CSMD3: variants seen among roughly 807,000 people sequenced by gnomAD.
CSMD3 encodes the protein CUB and Sushi multiple domains 3, also known as CUB and sushi domain-containing protein 3.
Under a neutral mutation model 435.2 loss-of-function variants are expected in CSMD3, and 177 were observed. That is an observed-to-expected ratio of 0.41 (90% confidence interval 0.36 to 0.46). The LOEUF is 0.46. Ranked by LOEUF, CSMD3 falls within the 20% of genes least tolerant of loss-of-function variation. The pLI, the probability that CSMD3 is intolerant of heterozygous loss-of-function variation, is 0.34. For missense variants in CSMD3, 4,265 were observed against 4,504.6 expected (o/e 0.95, Z 1.52); for synonymous variants, 1,656 against 1,520.5 (o/e 1.09, Z -2.07).
intron 13 of CSMD3, among the ~76,000 whole-genome samples, chr8:112,779,718 T>A (rs1012485716): frequency 3.3e-5 from 5 of 152,080 alleles, no homozygotes; most frequent in Non-Finnish European, 5.9e-5. Flanking sequence ...ATCAGCCCTA[T>A]TCTAAAATTC....
chr8:112,980,330 T>G (rs2085003865), intron 6 of CSMD3, among the ~76,000 whole-genome samples: 1 of 151,178 alleles, frequency 6.6e-6, no homozygotes, highest in Non-Finnish European at 1.5e-5. Flanking sequence ...AGTTTTTAGG[T>G]ACTTATGTTT....
At chr8:113,176,813 A>T (rs1026051259) in intron 3 of CSMD3, among the ~76,000 whole-genome samples, 16 of 151,964 alleles carry the variant, frequency 1.1e-4, no homozygotes, top group Middle Eastern at 3.4e-3. Context: ...TATCTAGGTG[A>T]TGGGTTGTTA....
chr8:113,399,106 T>TATATATAC (rs773585004), intron 1 of CSMD3, among the ~76,000 whole-genome samples: 6,565 of 94,632 alleles, frequency 0.069, 273 homozygotes, highest in Middle Eastern at 0.1. Flanking sequence ...TATATATATA[T>TATATATAC]ACACACACAC....
intron 45 of CSMD3, among the ~76,000 whole-genome samples, chr8:112,332,628 C>T (rs1363301405): frequency 6.6e-6 from 1 of 152,158 alleles, no homozygotes; most frequent in African/African-American, 2.4e-5. Flanking sequence ...TGAACTCTGG[C>T]TATGCTCCCA....
intron 1 of CSMD3, among the ~76,000 whole-genome samples, chr8:113,383,267 A>T (rs2094425007): frequency 6.6e-6 from 1 of 152,164 alleles, no homozygotes; most frequent in Non-Finnish European, 1.5e-5. Context: ...CAGTTTAAAT[A>T]ATAAGAGGAT....
At chr8:112,733,837 T>C (rs1341358604) in intron 13 of CSMD3, among the ~76,000 whole-genome samples, 2 of 152,056 alleles carry the variant, frequency 1.3e-5, no homozygotes, top group Non-Finnish European at 2.9e-5. Flanking sequence ...CAACACATAA[T>C]GTCTGTGTTG....
rs560194438 is a variant in CSMD3, at chr8:113,045,964, G to T, written c.918-26785C>A. On this transcript the variant is annotated intron_variant, in intron 5 of 70. Coordinates refer to ENST00000297405, the MANE Select transcript of CSMD3 (RefSeq NM_198123.2). ...CAAAATATCTGGGAAATTTGTAAAC[G>T]ACCCTTTTTACTTTTGCCTGCCTTT... is the stretch of plus-strand genomic sequence containing the variant. Among the ~76,000 whole-genome samples, 7 of 149,240 alleles carry T rather than the reference G, an allele frequency of 4.7e-5. 2 individuals carry two copies. The highest frequency in any genetic ancestry group is 3.4e-3 in the Middle Eastern group (1 of 294).
chr8:112,835,637 C>T (rs546236928), intron 11 of CSMD3, among the ~76,000 whole-genome samples: 20 of 151,944 alleles, frequency 1.3e-4, no homozygotes, highest in Middle Eastern at 3.4e-3. Flanking sequence ...CAATCAGATA[C>T]ACATCTTATG....
intron 13 of CSMD3, among the ~76,000 whole-genome samples, chr8:112,780,061 G>T (rs1472809918): frequency 6.6e-6 from 1 of 151,960 alleles, no homozygotes; most frequent in Non-Finnish European, 1.5e-5. Flanking sequence ...AAAATTAAAT[G>T]ATTATTGACA....
At chr8:112,863,247 A>T (rs1021204389) in intron 10 of CSMD3, among the ~76,000 whole-genome samples, 6 of 151,864 alleles carry the variant, frequency 4.0e-5, no homozygotes, top group African/African-American at 1.2e-4. Context: ...TTTATATCTC[A>T]CTCAAGAAAG....
At chr8:113,189,407 G>T (rs1295819528) in intron 3 of CSMD3, among the ~76,000 whole-genome samples, 1 of 151,786 alleles carries the variant, frequency 6.6e-6, no homozygotes, top group Non-Finnish European at 1.5e-5. Context: ...CAGTGAGCAA[G>T]CATACTTCTG....
chr8:112,613,614 T>A (rs1833434307), intron 22 of CSMD3, among the ~76,000 whole-genome samples: 1 of 152,140 alleles, frequency 6.6e-6, no homozygotes, highest in Non-Finnish European at 1.5e-5. Context: ...TTTGGCACAC[T>A]ACACTTTGCA....
chr8:112,838,713 T>C (rs1448987230), intron 11 of CSMD3, among the ~76,000 whole-genome samples: 9 of 151,816 alleles, frequency 5.9e-5, no homozygotes, highest in Non-Finnish European at 8.8e-5. Flanking sequence ...TAAAAAATCA[T>C]ATAATTCAGA....
chr8:112,247,873 T>C (rs951641813), intron 63 of CSMD3, among the ~76,000 whole-genome samples: 3 of 152,084 alleles, frequency 2.0e-5, no homozygotes, highest in African/African-American at 7.2e-5. Flanking sequence ...TGCAAAAGAC[T>C]TACAGAAAAA....
At chr8:112,413,107 G>GTCTGGA (rs1811527739) in intron 32 of CSMD3, among the ~76,000 whole-genome samples, 1 of 152,054 alleles carries the variant, frequency 6.6e-6, no homozygotes, top group African/African-American at 2.4e-5. Context: ...CACTTTAAAA[G>GTCTGGA]TCTGGAGAAA....
intron 27 of CSMD3, among the ~76,000 whole-genome samples, chr8:112,522,892 T>C (rs576663504): frequency 2.0e-5 from 3 of 151,946 alleles, no homozygotes; most frequent in Non-Finnish European, 4.4e-5. Context: ...TCACTTAATA[T>C]AGATTTCACA....
At chr8:112,307,016 T>C (rs943275666) in intron 50 of CSMD3, among the ~76,000 whole-genome samples, 6 of 151,806 alleles carry the variant, frequency 4.0e-5, no homozygotes, top group Admixed American at 6.6e-5. Flanking sequence ...AAGTACACAA[T>C]TGGCACTTAG....
chr8:112,686,710 G>A (rs906639459), intron 14 of CSMD3, among the ~76,000 whole-genome samples: 3 of 151,796 alleles, frequency 2.0e-5, no homozygotes, highest in East Asian at 1.9e-4. Context: ...GATCTCGAAC[G>A]CCTGACCTCA....
At chr8:112,490,111 A>G (rs1820541233) in intron 31 of CSMD3, among the ~76,000 whole-genome samples, 2 of 152,306 alleles carry the variant, frequency 1.3e-5, no homozygotes, top group Admixed American at 1.3e-4. Flanking sequence ...GTTGGAAATC[A>G]CAACTCCCAT....
Sources: gnomAD v4.1 joint callset for allele counts (sites outside exome capture counted in the v4.1 genomes callset) on GRCh38, gnomAD v4.1.1 for gene constraint, MANE v1.5 for transcripts, NCBI Gene and HGNC (gene_info 2026-07-23, HGNC 2026-07-21) for gene names.